The following MSMO1 variants were observed in gnomAD, a reference collection of about 807,000 sequenced individuals.
The protein encoded by MSMO1 is C-4 methylsterol oxidase.
A neutral mutation model predicts 30.4 loss-of-function variants in MSMO1; 18 were observed. The observed-to-expected ratio is 0.59, with a 90% confidence interval of 0.41 to 0.88. The LOEUF (loss-of-function observed/expected upper bound fraction) is 0.88. Ranked by LOEUF, MSMO1 falls within the 40% of genes least tolerant of loss-of-function variation. The pLI, the probability that MSMO1 is intolerant of heterozygous loss-of-function variation, is 0.00. For missense variants in MSMO1, 284 were observed against 340.5 expected, an observed-to-expected ratio of 0.83 and a Z score of 1.31; for synonymous variants, 84 against 107.9, an observed-to-expected ratio of 0.78 and a Z score of 1.37.
chr4:165,328,887 T>G (rs1247046269), intron 1 of MSMO1, among the ~76,000 whole-genome samples: 1 of 152,166 alleles, frequency 6.6e-6, no homozygotes, highest in South Asian at 2.1e-4. Context: ...AAACGTTATG[T>G]CTGAGAATTA....
In MSMO1 at chr4:165,342,690, A is replaced by G. The variant is rs1056060365; in HGVS notation, c.*744A>G. 1.3e-5 allele frequency: 2 copies of G among 152,198 alleles called. No individual in the cohort carries two copies. Among genetic ancestry groups the G allele is most frequent in the African/African-American group, 2.4e-5 (1 of 41,448 alleles). The allele number at this position is 152,198 out of a possible 1,614,324, so 9.4% of individuals were successfully genotyped here. A position where few individuals can be genotyped will look rare whatever the true frequency, so the allele number is the denominator to read the frequency against. On this transcript the variant is annotated 3_prime_UTR_variant, in exon 6 of 6. Coordinates refer to ENST00000261507, the MANE Select transcript of MSMO1 (RefSeq NM_006745.5). ...TTTAAACATGTTTTAGAATTCACCTAAAGATCAAAATATCATGGATTGAAC... is the reference window on the plus strand; with the variant it reads ...TTTAAACATGTTTTAGAATTCACCTGAAGATCAAAATATCATGGATTGAAC...
rs776117098 is a variant in MSMO1 at position 165,342,197 on chromosome 4, C to T, written c.*251C>T. 4 of 367,222 alleles carry T rather than the reference C, an allele frequency of 1.1e-5. No homozygotes were observed. Among genetic ancestry groups the T allele is most frequent in the Non-Finnish European group, 2.0e-5 (4 of 199,632 alleles). The allele number at this position is 367,222 out of a possible 1,614,324, so 22.7% of individuals were successfully genotyped here. A position where few individuals can be genotyped will look rare whatever the true frequency, so the allele number is the denominator to read the frequency against. On this transcript the variant is annotated 3_prime_UTR_variant, in exon 6 of 6. Transcript: ENST00000261507. ...GAGGAAGTTTTAAAAGACCATGTTC[C>T]TAAGCTTCCAAGAAGGTTTTGGATA...
rs1034724755 is a variant in MSMO1 at position 165,341,762 on chromosome 4, T to C, written c.698T>C (p.Ile233Thr). 1.9e-6 allele frequency: 3 copies of C among 1,609,866 alleles called. No homozygotes were observed. Among genetic ancestry groups the C allele is most frequent in the Non-Finnish European group, 2.6e-6 (3 of 1,176,252 alleles). ...CATTTTTGTTTCAGTGGTTATGATA[T>C]TCCTCTCAACCCTTTAAATCTGATC... ...ETIDVHSGYD[I>T]PLNPLNLIPF... Residue 233 changes from isoleucine to threonine, a missense_variant, in exon 6 of 6, where the codon ATT becomes ACT. Physicochemically the swap from Ile to Thr is moderately conservative, Grantham distance 89 (BLOSUM62 -1). Transcript: ENST00000261507.
rs542616492 is a variant in MSMO1 at position 165,340,504 on chromosome 4, A to T, written c.686+129A>T. The T allele has an allele frequency of 2.1e-5, 17 of 796,394 alleles. No individual in the cohort carries two copies. The African/African-American group carries it at 2.3e-4, about 11-fold the overall frequency. 49.3% of individuals were successfully genotyped at this position (796,394 alleles called of 1,614,324 possible). On this transcript the variant is annotated intron_variant, in intron 5 of 5. Coordinates refer to ENST00000261507, the MANE Select transcript of MSMO1 (RefSeq NM_006745.5). The stretch of plus-strand genomic sequence containing the variant: ...CTTCTTAATGTTATATTAAGAAAAC[A>T]TAACTGTTGGATAAAAGTTTAAATA...
rs183547193 is a variant in MSMO1, at chr4:165,333,348, G to A, written c.-23G>A. ...TGTATTCATTTCTACAGAATTATAAGGCTGTCTGCAGAGATTTGAAAAATG... is the reference window on the plus strand; with the variant it reads ...TGTATTCATTTCTACAGAATTATAAAGCTGTCTGCAGAGATTTGAAAAATG... On this transcript the variant is annotated 5_prime_UTR_variant, in exon 2 of 6. Coordinates refer to ENST00000261507, the MANE Select transcript of MSMO1 (RefSeq NM_006745.5). 9.9e-5 allele frequency: 159 copies of A among 1,610,260 alleles called. 1 individual carries two copies. The East Asian group carries it at 3.4e-3, about 35-fold the overall frequency.
chr4:165,329,652 T>TTTTTTTTTTG (rs1747337207), intron 1 of MSMO1, among the ~76,000 whole-genome samples: 1 of 145,036 alleles, frequency 6.9e-6, no homozygotes. Flanking sequence ...TTTTTTTTTT[T>TTTTTTTTTTG]GAGACGGAGT....
At chr4:165,338,819 A>G (rs371223310) in intron 4 of MSMO1, 41 bp downstream of exon 4, 3 of 1,513,482 alleles carry the variant, frequency 2.0e-6, no homozygotes, top group African/African-American at 2.8e-5. Flanking sequence ...TTAGAGGCAA[A>G]ATGTCTATTT....
intron 2 of MSMO1, among the ~76,000 whole-genome samples, chr4:165,336,251 A>C (rs1747542410): frequency 6.6e-6 from 1 of 150,592 alleles, no homozygotes; most frequent in South Asian, 2.1e-4. Context: ...AAAAAAAAAC[A>C]TACATCTTAG....
At chr4:165,330,248 C>T (rs143986117) in intron 1 of MSMO1, among the ~76,000 whole-genome samples, 1 of 152,192 alleles carries the variant, frequency 6.6e-6, no homozygotes, top group African/African-American at 2.4e-5. Flanking sequence ...GTTATTTTAT[C>T]TATAAAATGG....
rs770390041 is a variant in MSMO1, at chr4:165,333,545, G to A, written c.175G>A (p.Glu59Lys). 4.3e-6 allele frequency: 7 copies of A among 1,612,308 alleles called. No individual in the cohort carries two copies. The highest frequency in any genetic ancestry group is 4.2e-6 in the Non-Finnish European group (5 of 1,179,310). Reference protein sequence around the residue: ...IATWGSLIVHEALYFLFCLPG... With the variant: ...IATWGSLIVHKALYFLFCLPG... ...AACATGGGGATCCCTTATAGTTCAT[G>A]AAGCCCTTTATTTCTTATTCTGTTT... Residue 59 changes from glutamate (E) to lysine (K), a missense_variant, in exon 2 of 6, where the codon GAA (glutamate) becomes AAA (lysine). By Grantham distance (56) the Glu-to-Lys change is moderately conservative. Transcript: ENST00000261507.
At chr4:165,329,257 T>C (rs1163339390) in intron 1 of MSMO1, among the ~76,000 whole-genome samples, 3 of 152,122 alleles carry the variant, frequency 2.0e-5, no homozygotes. Flanking sequence ...TGACCCTCTC[T>C]CCCTCACTCT....
chr4:165,331,067 G>GGAT (rs1747375102), intron 1 of MSMO1, among the ~76,000 whole-genome samples: 1 of 152,154 alleles, frequency 6.6e-6, no homozygotes. Flanking sequence ...ACTTTGGGAG[G>GGAT]CTGAGATGGG....
At chr4:165,328,570 A>G (rs1379445079) in intron 1 of MSMO1, among the ~76,000 whole-genome samples, 2 of 152,266 alleles carry the variant, frequency 1.3e-5, no homozygotes, top group Non-Finnish European at 2.9e-5. Context: ...GCCAAAGGAC[A>G]GAGACTGGCT....
chr4:165,333,741 C>A, intron 2 of MSMO1, 116 bp downstream of exon 2: 1 of 1,132,158 alleles, frequency 8.8e-7, no homozygotes, highest in Non-Finnish European at 1.2e-6. Context: ...AAATATGAAG[C>A]CACGTATGTA....
At chr4:165,341,695 C>T (rs1053751725) in intron 5 of MSMO1, 56 bp from the exon 6 acceptor site, 2 of 1,466,076 alleles carry the variant, frequency 1.4e-6, no homozygotes, top group African/African-American at 2.8e-5. Context: ...TTAATAAAAA[C>T]AACAATCATT....
intron 1 of MSMO1, among the ~76,000 whole-genome samples, chr4:165,331,121 T>C (rs188953678): frequency 2.6e-4 from 39 of 151,906 alleles, no homozygotes; most frequent in African/African-American, 8.9e-4. Flanking sequence ...CTGGGCAACA[T>C]AGGGTGACCC....
In MSMO1 at chr4:165,330,775, G is replaced by GA. The variant is rs370452133; in HGVS notation, c.-31-2562dup. 9.2e-3 allele frequency among the ~76,000 whole-genome samples: 1,399 copies of GA among 152,212 alleles called. 8 individuals are homozygous for GA. Among genetic ancestry groups the GA allele is most frequent in the Non-Finnish European group, 0.016 (1,071 of 68,010 alleles). On this transcript the variant is annotated intron_variant, in intron 1 of 5. Transcript: ENST00000261507. Reference sequence around the variant, plus strand: ...GGCTAGAGTGCAGTCACAGCTTACTGAAACCTCCACCTCCTCATTTCAAGC... The same window carrying GA: ...GGCTAGAGTGCAGTCACAGCTTACTGAAAACCTCCACCTCCTCATTTCAAGC...
At chr4:165,340,582 G>A in intron 5 of MSMO1, 1 of 572,302 alleles carries the variant, frequency 1.7e-6, no homozygotes, top group South Asian at 2.2e-5. Context: ...TAGTGATAAT[G>A]TGTTATTAGG....
chr4:165,334,743 T>A (rs1370346354), intron 2 of MSMO1, among the ~76,000 whole-genome samples: 2 of 152,208 alleles, frequency 1.3e-5, no homozygotes, highest in Non-Finnish European at 2.9e-5. Context: ...GTTTCTAGTG[T>A]TTGCTGTTTA....
Sources: allele counts gnomAD v4.1 joint callset (sites outside exome capture counted in the v4.1 genomes callset), GRCh38; gene constraint gnomAD v4.1.1; transcripts MANE v1.5; gene names NCBI Gene and HGNC (gene_info 2026-07-23, HGNC 2026-07-21).